Variants in GORASP2 observed in about 807,000 individuals in gnomAD.
The protein encoded by GORASP2 is golgi reassembly stacking protein 2, also known as Golgi reassembly-stacking protein 2.
Under a neutral mutation model 45.7 loss-of-function variants are expected in GORASP2, and 22 were observed. The ratio of observed to expected loss-of-function variants is 0.48; its 90% CI spans 0.34 to 0.69. GORASP2 has a LOEUF of 0.69. Among genes scored for constraint, GORASP2 ranks in the 30% least tolerant of loss-of-function variants. The pLI, the probability that GORASP2 is intolerant of heterozygous loss-of-function variation, is 0.01. For synonymous variants in GORASP2, 221 were observed against 215.6 expected (o/e 1.02, Z -0.22); for missense variants, 491 against 562.7 (o/e 0.87, Z 1.29).
intron 1 of GORASP2, among the ~76,000 whole-genome samples, chr2:170,932,454 A>G (rs763413377): frequency 6.6e-6 from 1 of 152,204 alleles, no homozygotes; most frequent in Non-Finnish European, 1.5e-5. Flanking sequence ...ACATTTGGTT[A>G]TCTAGTCTTC....
chr2:170,959,804 C>A (rs1303357889), intron 7 of GORASP2, among the ~76,000 whole-genome samples: 1 of 149,372 alleles, frequency 6.7e-6, no homozygotes, highest in Non-Finnish European at 1.5e-5. Context: ...GATTTTTCTG[C>A]AGTGTATCAC....
chr2:170,963,374 CAAAAAA>C (rs766498214), intron 9 of GORASP2, among the ~76,000 whole-genome samples: 1 of 76,606 alleles, frequency 1.3e-5, no homozygotes, highest in African/African-American at 5.4e-5. Flanking sequence ...GACTTCATCT[CAAAAAA>C]AAAAAAAAAA....
chr2:170,961,655 C>T lies in GORASP2; in HGVS notation c.824-8C>T. 1 of 1,466,698 alleles carries T rather than the reference C, an allele frequency of 6.8e-7. No homozygotes were observed. The allele number at this position is 1,466,698 out of a possible 1,614,324, so 90.9% of individuals were successfully genotyped here. On this transcript the variant is annotated splice_region_variant and splice_polypyrimidine_tract_variant and intron_variant, in intron 7 of 9. Transcript: ENST00000234160. Reference sequence around the variant, plus strand: ...GTTAGAAATGAAAAGATTGTGCTTTCTTTTTAGGTGTACCAACAGTACCGT... The same window carrying T: ...GTTAGAAATGAAAAGATTGTGCTTTTTTTTTAGGTGTACCAACAGTACCGT...
intron 3 of GORASP2, 80 bp from the exon 4 acceptor site, chr2:170,950,124 A>G (rs1559312004): frequency 1.4e-6 from 1 of 693,942 alleles, no homozygotes; most frequent in Non-Finnish European, 2.4e-6. Flanking sequence ...AAAAATCAAC[A>G]TAATTAAAAA....
At chr2:170,961,523 A>G in intron 7 of GORASP2, 140 bp from the exon 8 acceptor site, 1 of 672,264 alleles carries the variant, frequency 1.5e-6, no homozygotes, top group Non-Finnish European at 2.7e-6. Context: ...GGTGATGGAC[A>G]GTCAGTTGCA....
At chr2:170,933,762 G>C (rs1319800138) in intron 1 of GORASP2, among the ~76,000 whole-genome samples, 2 of 152,192 alleles carry the variant, frequency 1.3e-5, no homozygotes, top group African/African-American at 2.4e-5. Flanking sequence ...ATTCAGTGTG[G>C]AGACTGTGTG....
intron 1 of GORASP2, among the ~76,000 whole-genome samples, chr2:170,939,696 A>G (rs1290095689): frequency 1.3e-5 from 2 of 152,220 alleles, no homozygotes; most frequent in African/African-American, 4.8e-5. Flanking sequence ...GGTACTCTGC[A>G]ATTTCAAGCA....
intron 5 of GORASP2, chr2:170,951,733 A>G (rs951764884): frequency 5.1e-6 from 1 of 195,636 alleles, no homozygotes; most frequent in African/African-American, 2.3e-5. Context: ...AGCCATAATT[A>G]TAGAAAAGCC....
intron 1 of GORASP2, among the ~76,000 whole-genome samples, chr2:170,941,861 T>C (rs895224561): frequency 1.3e-5 from 2 of 152,200 alleles, no homozygotes; most frequent in African/African-American, 2.4e-5. Context: ...TACCCATTTC[T>C]GTTGGGTATA....
chr2:170,961,742 A>T lies in GORASP2; in HGVS notation c.903A>T (p.Thr301=), dbSNP rs778379039. Residue 301 remains threonine (T), a synonymous_variant, in exon 8 of 10, where the codon ACA becomes ACT. Coordinates refer to ENST00000234160, the MANE Select transcript of GORASP2 (RefSeq NM_015530.5). ...TGCCACCAATGAATCCAGCTACTAC[A>T]TTACCAGGTAACCACCAGGGGACTA... is the stretch of plus-strand genomic sequence containing the variant. ...TSVPPMNPAT[T]LPGLMPLPAG... 6.5e-7 allele frequency: 1 copy of T among 1,539,632 alleles called. No homozygotes were observed. Among genetic ancestry groups the T allele is most frequent in the Non-Finnish European group, 9.0e-7 (1 of 1,111,980 alleles).
intron 7 of GORASP2, among the ~76,000 whole-genome samples, chr2:170,961,383 T>G (rs763723456): frequency 3.0e-4 from 46 of 152,146 alleles, no homozygotes; most frequent in Non-Finnish European, 6.2e-4. Context: ...CCTGCTTGGG[T>G]CAGGTGTAAA....
chr2:170,964,584 C>T (rs1271206839), intron 9 of GORASP2, among the ~76,000 whole-genome samples: 2 of 151,988 alleles, frequency 1.3e-5, no homozygotes, highest in Non-Finnish European at 1.5e-5. Context: ...ACCCAGGAGG[C>T]GGAGGTTGTA....
intron 9 of GORASP2, 136 bp downstream of exon 9, chr2:170,963,082 T>G: frequency 1.5e-6 from 1 of 654,538 alleles, no homozygotes; most frequent in South Asian, 1.8e-5. Flanking sequence ...ATATTCATCT[T>G]TTTTGTTTAA....
At chr2:170,952,048 T>G (rs1315450378) in intron 5 of GORASP2, among the ~76,000 whole-genome samples, 2 of 152,246 alleles carry the variant, frequency 1.3e-5, no homozygotes, top group African/African-American at 4.8e-5. Context: ...CATTCAAAAT[T>G]TATTCATTAC....
intron 1 of GORASP2, among the ~76,000 whole-genome samples, chr2:170,935,453 C>A (rs537197961): frequency 6.6e-6 from 1 of 151,930 alleles, no homozygotes; most frequent in Middle Eastern, 3.2e-3. Context: ...CAGGGTTTCA[C>A]CTTATTGGCC....
chr2:170,936,742 CAA>C (rs1314458680), intron 1 of GORASP2: 1 of 830,386 alleles, frequency 1.2e-6, no homozygotes, highest in Admixed American at 2.3e-5. Flanking sequence ...GGTGGGGGCC[CAA>C]GAGTTTAAGA....
chr2:170,966,250 T>C lies in GORASP2; in HGVS notation c.*120T>C. 2.7e-6 allele frequency: 2 copies of C among 744,892 alleles called. No homozygotes were observed. Among genetic ancestry groups the C allele is most frequent in the South Asian group, 1.6e-5 (1 of 60,956 alleles). 46.1% of individuals were successfully genotyped at this position (744,892 alleles called of 1,614,324 possible). ...GTATCTGTAGGCATCCTGTAAATAA[T>C]TCCAAGGGGAAAACTAAACGAGGAC... On this transcript the variant is annotated 3_prime_UTR_variant, in exon 10 of 10. Coordinates refer to ENST00000234160, the MANE Select transcript of GORASP2 (RefSeq NM_015530.5).
At chr2:170,958,667 TTTTTTTTAAA>T (rs1704482171) in intron 7 of GORASP2, among the ~76,000 whole-genome samples, 1 of 73,832 alleles carries the variant, frequency 1.4e-5, no homozygotes. Flanking sequence ...TTTTTTTTTT[TTTTTTTTAAA>T]AAAAAAAAAA....
chr2:170,933,814 T>G, intron 1 of GORASP2, among the ~76,000 whole-genome samples: 1 of 152,200 alleles, frequency 6.6e-6, no homozygotes, highest in East Asian at 1.9e-4. Context: ...TTCTTTCTCA[T>G]GCTTGCTTCT....
Sources: gnomAD v4.1 joint callset for allele counts (sites outside exome capture counted in the v4.1 genomes callset) on GRCh38, gnomAD v4.1.1 for gene constraint, MANE v1.5 for transcripts, NCBI Gene and HGNC (gene_info 2026-07-23, HGNC 2026-07-21) for gene names.